ZNF264: variants seen among roughly 807,000 people sequenced by gnomAD.
The protein encoded by ZNF264 is zinc finger protein 264.
ZNF264 carries 11 observed loss-of-function variants against 11.2 expected under a neutral mutation model. That is an observed-to-expected ratio of 0.98 (90% CI 0.62 to 1.63). The LOEUF is 1.63. ZNF264 is among the 40% of genes most tolerant of loss of function. ZNF264 has a pLI of 0.00. For missense variants in ZNF264, 752 were observed against 768.1 expected (o/e 0.98, Z 0.25); for synonymous variants, 309 against 279.8 (o/e 1.10, Z -1.04).
At position 57,212,300 on chromosome 19, in the gene ZNF264, C is replaced by T. The variant is rs2087344413; in HGVS notation, c.1203C>T (p.Cys401=). The T allele has an allele frequency of 1.9e-6, 3 of 1,613,276 alleles. No homozygotes were observed. The highest frequency in any genetic ancestry group is 1.1e-5 in the South Asian group (1 of 91,042). The change falls in exon 4 of 4, where the codon TGC becomes TGT. Residue 401 remains cysteine (C), a synonymous_variant. Coordinates refer to ENST00000263095, the MANE Select transcript of ZNF264 (RefSeq NM_003417.5). ...VIHTGEKPFE[C]LECGKAFNHR... ...ACACTGGAGAGAAGCCCTTTGAGTG[C>T]CTCGAGTGTGGGAAGGCTTTCAACC...
rs2087390240 is a variant in ZNF264 at position 57,217,758 on chromosome 19, C to CTG, written c.*4777_*4778insTG. The CTG allele has an allele frequency of 2.1e-5, 3 of 144,754 alleles. No individual in the cohort carries two copies. Among genetic ancestry groups the CTG allele is most frequent in the Non-Finnish European group, 4.5e-5 (3 of 66,226 alleles). 9.0% of individuals were successfully genotyped at this position (144,754 alleles called of 1,614,324 possible). On this transcript the variant is annotated 3_prime_UTR_variant, in exon 4 of 4. Transcript: ENST00000263095. ...TATCTCTCACACGTATTTTACAAAACGTCATGAGAAACATTGTCTCTTGAC... is the reference window on the plus strand; with the variant it reads ...TATCTCTCACACGTATTTTACAAAACTGGTCATGAGAAACATTGTCTCTTGAC...
At chr19:57,199,357 G>T (rs1009471492) in intron 2 of ZNF264, among the ~76,000 whole-genome samples, 5 of 151,730 alleles carry the variant, frequency 3.3e-5, no homozygotes, top group Admixed American at 6.6e-5. Flanking sequence ...CTCCCAGCTG[G>T]GATGAGTAGG....
intron 1 of ZNF264, among the ~76,000 whole-genome samples, chr19:57,192,726 T>C (rs957817620): frequency 4.8e-5 from 6 of 125,678 alleles, no homozygotes; most frequent in African/African-American, 2.3e-4. Flanking sequence ...TTTGTGCCCG[T>C]GTTCACATAC....
chr19:57,216,468 T>C lies in ZNF264; in HGVS notation c.*3487T>C, dbSNP rs2087381013. 1 of 152,258 alleles carries C rather than the reference T, an allele frequency of 6.6e-6. No individual in the cohort carries two copies. Among genetic ancestry groups the C allele is most frequent in the Admixed American group, 6.5e-5 (1 of 15,286 alleles). 9.4% of individuals were successfully genotyped at this position (152,258 alleles called of 1,614,324 possible). ...TTGTTTGGTACATATACATGTAGGT[T>C]TGCCAAGTCTTTGTGGTGAATTGAC... On this transcript the variant is annotated 3_prime_UTR_variant, in exon 4 of 4. Transcript: ENST00000263095.
intron 3 of ZNF264, among the ~76,000 whole-genome samples, chr19:57,207,810 T>C (rs2122757984): frequency 6.6e-6 from 1 of 152,112 alleles, no homozygotes; most frequent in East Asian, 1.9e-4. Flanking sequence ...TACTGCAACC[T>C]CCGCCTCCCA....
At chr19:57,210,393 A>G (rs1230195447) in intron 3 of ZNF264, among the ~76,000 whole-genome samples, 1 of 152,190 alleles carries the variant, frequency 6.6e-6, no homozygotes. Context: ...TTAGCTTTAG[A>G]CTCACAAAAT....
Position 57,212,865 on chromosome 19 carries a change from T to G in ZNF264, c.1768T>G (p.Leu590Val). Reference sequence around the variant, plus strand: ...CTCAGTTACCCTTCGAGAACTTCTTTTAGGGAAGGACTTTTTGAATGTAAC... The same window carrying G: ...CTCAGTTACCCTTCGAGAACTTCTTGTAGGGAAGGACTTTTTGAATGTAAC... The part of the protein sequence containing the change: ...QTSVTLRELL[L>V]GKDFLNVTTE... Residue 590 changes from leucine to valine, a missense_variant, in exon 4 of 4, where the codon TTA (leucine) becomes GTA (valine). Physicochemically the swap from Leu to Val is conservative, Grantham distance 32. Transcript: ENST00000263095. The G allele has an allele frequency of 3.1e-6, 5 of 1,614,202 alleles. No individual in the cohort carries two copies. Among genetic ancestry groups the G allele is most frequent in the Non-Finnish European group, 4.2e-6 (5 of 1,180,024 alleles).
chr19:57,200,551 G>GTCTTGTC (rs11281739), intron 2 of ZNF264, among the ~76,000 whole-genome samples: 50,676 of 131,106 alleles, frequency 0.39, 9,227 homozygotes, highest in Middle Eastern at 0.46. Context: ...TGTCTCTTGT[G>GTCTTGTC]TCTTGTGTCT....
In ZNF264 at chr19:57,220,199, T is replaced by C. The variant is rs2087407615; in HGVS notation, c.*7218T>C. On this transcript the variant is annotated 3_prime_UTR_variant, in exon 4 of 4. Transcript: ENST00000263095. Reference sequence around the variant, plus strand: ...TTGCTTCTCATGTTGGGGGGTTTGTTTTCTGGTCACTATTTTTACTAAAGT... The same window carrying C: ...TTGCTTCTCATGTTGGGGGGTTTGTCTTCTGGTCACTATTTTTACTAAAGT... 6.6e-6 allele frequency: 1 copy of C among 152,234 alleles called. No individual in the cohort carries two copies. Among genetic ancestry groups the C allele is most frequent in the Non-Finnish European group, 1.5e-5 (1 of 68,046 alleles). The allele number at this position is 152,234 out of a possible 1,614,324, so 9.4% of individuals were successfully genotyped here.
At chr19:57,195,546 C>A (rs1318868301) in intron 2 of ZNF264, among the ~76,000 whole-genome samples, 2 of 149,512 alleles carry the variant, frequency 1.3e-5, no homozygotes, top group African/African-American at 5.1e-5. Flanking sequence ...CCTGAAGGGT[C>A]TGGGCCATTT....
rs1191725646 is a variant in ZNF264, at chr19:57,221,424, ACC to A, written c.*8447_*8448del. 6.6e-6 allele frequency: 1 copy of A among 152,014 alleles called. No individual in the cohort carries two copies. The highest frequency in any genetic ancestry group is 1.5e-5 in the Non-Finnish European group (1 of 68,026). 9.4% of individuals were successfully genotyped at this position (152,014 alleles called of 1,614,324 possible). A position where few individuals can be genotyped will look rare whatever the true frequency, so the allele number is the denominator to read the frequency against. On this transcript the variant is annotated 3_prime_UTR_variant, in exon 4 of 4. Coordinates refer to ENST00000263095, the MANE Select transcript of ZNF264 (RefSeq NM_003417.5). The stretch of plus-strand genomic sequence containing the variant: ...TGACTGTCTTGGGATCCTCAAGAAC[ACC>A]CCCAGGTTTGACGATTTGCTGAGAA...
chr19:57,205,834 A>G (rs1285786697), intron 3 of ZNF264, among the ~76,000 whole-genome samples: 1 of 152,210 alleles, frequency 6.6e-6, no homozygotes, highest in African/African-American at 2.4e-5. Flanking sequence ...CTGTCTTTGT[A>G]TATAACTTCA....
intron 3 of ZNF264, among the ~76,000 whole-genome samples, chr19:57,205,927 A>T (rs2087288710): frequency 6.6e-6 from 1 of 152,226 alleles, no homozygotes; most frequent in Non-Finnish European, 1.5e-5. Flanking sequence ...CACTCATACC[A>T]GGGACTGTGT....
chr19:57,200,951 T>C (rs1054982261), intron 2 of ZNF264, among the ~76,000 whole-genome samples: 7 of 151,954 alleles, frequency 4.6e-5, no homozygotes, highest in Admixed American at 1.3e-4. Context: ...ACATTTGTTA[T>C]ATATGTGCTA....
chr19:57,211,728 G>A lies in ZNF264; in HGVS notation c.631G>A (p.Val211Ile). The A allele has an allele frequency of 6.2e-7, 1 of 1,614,190 alleles. No individual in the cohort carries two copies. Among genetic ancestry groups the A allele is most frequent in the Admixed American group, 1.7e-5 (1 of 60,022 alleles). ...CTTTAAATGCAGTGAATGTGGAAAA[G>A]TATTTAACAAGAAACACCTCCTTGC... ...NNFKCSECGKVFNKKHLLAGH... is the reference protein window; with the variant it reads ...NNFKCSECGKIFNKKHLLAGH... Residue 211 changes from valine (V) to isoleucine (I), a missense_variant, in exon 4 of 4, where the codon GTA becomes ATA. Coordinates refer to ENST00000263095, the MANE Select transcript of ZNF264 (RefSeq NM_003417.5).
chr19:57,214,351 G>GT lies in ZNF264; in HGVS notation c.*1376dup, dbSNP rs1180103953. 6.6e-6 allele frequency: 1 copy of GT among 152,172 alleles called. No individual in the cohort carries two copies. 9.4% of individuals were successfully genotyped at this position (152,172 alleles called of 1,614,324 possible). ...ACAATGTTCAGTTTTTTGTTTTTTT[G>GT]TTTTTTGTTTGAGACAGGGTCTCGC... is the stretch of plus-strand genomic sequence containing the variant. On this transcript the variant is annotated 3_prime_UTR_variant, in exon 4 of 4. Transcript: ENST00000263095.
chr19:57,193,185 C>G (rs1029706260), intron 1 of ZNF264, among the ~76,000 whole-genome samples: 1 of 152,142 alleles, frequency 6.6e-6, no homozygotes, highest in Non-Finnish European at 1.5e-5. Context: ...ATGTTTAGAT[C>G]CTATCTATGG....
rs1267286410 is a variant in ZNF264 at position 57,218,542 on chromosome 19, T to C, written c.*5561T>C. The C allele has an allele frequency of 6.6e-6, 1 of 152,236 alleles. No individual in the cohort carries two copies. The highest frequency in any genetic ancestry group is 1.9e-4 in the East Asian group (1 of 5,196). The allele number at this position is 152,236 out of a possible 1,614,324, so 9.4% of individuals were successfully genotyped here. A position where few individuals can be genotyped will look rare whatever the true frequency, so the allele number is the denominator to read the frequency against. On this transcript the variant is annotated 3_prime_UTR_variant, in exon 4 of 4. Transcript: ENST00000263095. Reference sequence around the variant, plus strand: ...GCAAAATTTGGGGAACTTTCAACTATTATTTCTTCAAATATTTTTTCACCC... The same window carrying C: ...GCAAAATTTGGGGAACTTTCAACTACTATTTCTTCAAATATTTTTTCACCC...
At chr19:57,203,605 A>G (rs989580028) in intron 2 of ZNF264, among the ~76,000 whole-genome samples, 3 of 152,050 alleles carry the variant, frequency 2.0e-5, no homozygotes, top group African/African-American at 7.2e-5. Context: ...AATGTTGGTG[A>G]GAGTAGATAC....
Sources: allele counts gnomAD v4.1 joint callset (sites outside exome capture counted in the v4.1 genomes callset), GRCh38; gene constraint gnomAD v4.1.1; transcripts MANE v1.5; gene names NCBI Gene and HGNC (gene_info 2026-07-23, HGNC 2026-07-21).